Variants in SRGAP1 observed in about 807,000 individuals in gnomAD.
SRGAP1 encodes the protein SLIT-ROBO Rho GTPase-activating protein 1.
SRGAP1 carries 43 observed loss-of-function variants against 121.9 expected under a neutral mutation model. The observed-to-expected ratio is 0.35, with a 90% CI of 0.28 to 0.46. The LOEUF is 0.46. Ranked by LOEUF, SRGAP1 falls within the 20% of genes least tolerant of loss-of-function variation. The pLI is 1.00. For missense variants in SRGAP1, 1,102 were observed against 1,350.9 expected, an observed-to-expected ratio of 0.82 and a Z score of 2.89; for synonymous variants, 447 against 485.4, an observed-to-expected ratio of 0.92 and a Z score of 1.04.
rs139419551 is a variant in SRGAP1, at chr12:64,075,134, G to A, written c.1126-3785G>A. Among the ~76,000 whole-genome samples the A allele has an allele frequency of 1.9e-3, 288 of 152,294 alleles. 1 individual carries two copies. Among genetic ancestry groups the A allele is most frequent in the African/African-American group, 6.5e-3 (270 of 41,556 alleles). Reference sequence around the variant, plus strand: ...GGTCTCACAGCCTTCAGAGCTGAGAGCCCCAAACAGAGATTTACCCACATA... The same window carrying A: ...GGTCTCACAGCCTTCAGAGCTGAGAACCCCAAACAGAGATTTACCCACATA... On this transcript the variant is annotated intron_variant, in intron 8 of 21. Coordinates refer to ENST00000355086, the MANE Select transcript of SRGAP1 (RefSeq NM_020762.4).
At chr12:64,019,941 TCA>T (rs1177417078) in intron 4 of SRGAP1, among the ~76,000 whole-genome samples, 4 of 152,234 alleles carry the variant, frequency 2.6e-5, no homozygotes, top group Non-Finnish European at 5.9e-5. Context: ...TGGCAAATAT[TCA>T]CTCCTCACTT....
chr12:63,925,665 AAAAAG>A (rs2031233766), intron 1 of SRGAP1, among the ~76,000 whole-genome samples: 1 of 152,224 alleles, frequency 6.6e-6, no homozygotes, highest in Admixed American at 6.5e-5. Flanking sequence ...AAAGGAGGAC[AAAAAG>A]AAAAGGAGTA....
At chr12:64,035,411 T>C (rs923160906) in intron 4 of SRGAP1, among the ~76,000 whole-genome samples, 4 of 152,156 alleles carry the variant, frequency 2.6e-5, no homozygotes, top group African/African-American at 4.8e-5. Context: ...TCACCCCTAC[T>C]GGGGAGAGAT....
At chr12:63,981,571 C>T (rs2033247319) in intron 1 of SRGAP1, among the ~76,000 whole-genome samples, 1 of 152,160 alleles carries the variant, frequency 6.6e-6, no homozygotes, top group African/African-American at 2.4e-5. Flanking sequence ...CAAAGTTTGG[C>T]AAACATGCTG....
At chr12:64,035,033 T>C (rs2034869436) in intron 4 of SRGAP1, among the ~76,000 whole-genome samples, 1 of 140,430 alleles carries the variant, frequency 7.1e-6, no homozygotes, top group East Asian at 2.0e-4. Context: ...TCAGCCCTGA[T>C]GCTGGGAACA....
rs11175247 is a variant in SRGAP1, at chr12:64,066,979, G to A, written c.1125+1760G>A. ...ATTATACACAAAGTCAAAACTGGCA[G>A]CTCACAGATCTGTTTTGTTTGGCTC... On this transcript the variant is annotated intron_variant, in intron 8 of 21. Coordinates refer to ENST00000355086, the MANE Select transcript of SRGAP1 (RefSeq NM_020762.4). Among the ~76,000 whole-genome samples, 533 of 151,992 alleles carry A rather than the reference G, an allele frequency of 3.5e-3. 6 individuals carry two copies. Among genetic ancestry groups the A allele is most frequent in the African/African-American group, 0.012 (501 of 41,422 alleles).
intron 6 of SRGAP1, among the ~76,000 whole-genome samples, chr12:64,046,021 C>T (rs1201941138): frequency 6.6e-6 from 1 of 152,040 alleles, no homozygotes; most frequent in Non-Finnish European, 1.5e-5. Context: ...ATGGGGTGTC[C>T]AGGAAAAGCC....
chr12:64,004,249 A>T (rs182705595), intron 3 of SRGAP1, among the ~76,000 whole-genome samples: 39 of 152,360 alleles, frequency 2.6e-4, no homozygotes, highest in African/African-American at 9.1e-4. Context: ...GAAGGCACGC[A>T]GTCCCTCATG....
In SRGAP1 at chr12:64,157,639, T is replaced by C. The variant is rs2037174041; in HGVS notation, c.*14967T>C. On this transcript the variant is annotated 3_prime_UTR_variant, in exon 22 of 22. Coordinates refer to ENST00000355086, the MANE Select transcript of SRGAP1 (RefSeq NM_020762.4). ...TCTGGATAGAAAAAAGAATAAAATG[T>C]CTTTAAAAATTTATATTTCAAGTGT... 1 of 152,136 alleles carries C rather than the reference T, an allele frequency of 6.6e-6. No individual in the cohort carries two copies. The highest frequency in any genetic ancestry group is 1.5e-5 in the Non-Finnish European group (1 of 68,036). The allele number at this position is 152,136 out of a possible 1,614,324, so 9.4% of individuals were successfully genotyped here.
intron 1 of SRGAP1, among the ~76,000 whole-genome samples, chr12:63,972,601 A>G (rs940882719): frequency 3.8e-4 from 58 of 152,336 alleles, no homozygotes; most frequent in Non-Finnish European, 2.8e-4. Context: ...TTGAGTACCT[A>G]CTATGTGTTC....
Position 64,160,739 on chromosome 12 carries a change from C to T in SRGAP1, c.*18067C>T, listed in dbSNP as rs1174731360. ...TGAGGAAGATTTTCTCAGAGTGGCT[C>T]ATTATCTGGAAAGTGTAAGAATGAG... On this transcript the variant is annotated 3_prime_UTR_variant, in exon 22 of 22. Coordinates refer to ENST00000355086, the MANE Select transcript of SRGAP1 (RefSeq NM_020762.4). The T allele has an allele frequency of 6.6e-6, 1 of 152,056 alleles. No individual in the cohort carries two copies. Among genetic ancestry groups the T allele is most frequent in the Non-Finnish European group, 1.5e-5 (1 of 68,016 alleles). 9.4% of individuals were successfully genotyped at this position (152,056 alleles called of 1,614,324 possible). A position where few individuals can be genotyped will look rare whatever the true frequency, so the allele number is the denominator to read the frequency against.
chr12:64,061,702 C>G (rs2035452267), intron 6 of SRGAP1, among the ~76,000 whole-genome samples: 1 of 152,186 alleles, frequency 6.6e-6, no homozygotes, highest in Admixed American at 6.5e-5. Flanking sequence ...CCAACTTCTT[C>G]CCTCTTCTTA....
At chr12:63,968,946 C>G (rs1255923933) in intron 1 of SRGAP1, among the ~76,000 whole-genome samples, 1 of 152,080 alleles carries the variant, frequency 6.6e-6, no homozygotes, top group Non-Finnish European at 1.5e-5. Flanking sequence ...ATGCCGGCAG[C>G]CAAGAGAACA....
Position 64,080,845 on chromosome 12 carries a change from A to G in SRGAP1, c.1408+475A>G, listed in dbSNP as rs561847354. On this transcript the variant is annotated intron_variant, in intron 10 of 21. Coordinates refer to ENST00000355086, the MANE Select transcript of SRGAP1 (RefSeq NM_020762.4). Reference sequence around the variant, plus strand: ...CCAGTTTGGGTGATTTTTTTCTTTCAGCAGGCATTGGCTGTAGTTGAGAAA... The same window carrying G: ...CCAGTTTGGGTGATTTTTTTCTTTCGGCAGGCATTGGCTGTAGTTGAGAAA... 5.8e-5 allele frequency: 12 copies of G among 205,674 alleles called. No homozygotes were observed. In the South Asian group the frequency reaches 7.3e-4, roughly 13 times the overall value. 12.7% of individuals were successfully genotyped at this position (205,674 alleles called of 1,614,324 possible). A position where few individuals can be genotyped will look rare whatever the true frequency, so the allele number is the denominator to read the frequency against.
At chr12:64,136,946 A>T (rs2036865176) in intron 21 of SRGAP1, among the ~76,000 whole-genome samples, 1 of 152,168 alleles carries the variant, frequency 6.6e-6, no homozygotes, top group Admixed American at 6.5e-5. Flanking sequence ...GACTTCTAGA[A>T]TCAGGAAATT....
chr12:63,902,567 T>A (rs1346558635), intron 1 of SRGAP1, among the ~76,000 whole-genome samples: 1 of 152,164 alleles, frequency 6.6e-6, no homozygotes, highest in Non-Finnish European at 1.5e-5. Flanking sequence ...TCAAAAGTCT[T>A]CCCTAAAATG....
At chr12:63,880,900 G>T (rs10878092) in intron 1 of SRGAP1, among the ~76,000 whole-genome samples, 46,038 of 151,972 alleles carry the variant, frequency 0.3, 7,318 homozygotes, top group East Asian at 0.58. Context: ...CGGATGATGT[G>T]TTCCAGGCGT....
chr12:63,879,492 CA>C (rs1900126656), intron 1 of SRGAP1: 1 of 152,100 alleles, frequency 6.6e-6, no homozygotes, highest in African/African-American at 2.4e-5. Context: ...GAAAAACATA[CA>C]AAACACATAC....
At chr12:63,957,291 C>T (rs1293962132) in intron 1 of SRGAP1, among the ~76,000 whole-genome samples, 2 of 152,204 alleles carry the variant, frequency 1.3e-5, no homozygotes, top group Non-Finnish European at 1.5e-5. Flanking sequence ...ATCAGCAGGT[C>T]AGCGCCAGTG....
Sources: allele counts gnomAD v4.1 joint callset (sites outside exome capture counted in the v4.1 genomes callset), GRCh38; gene constraint gnomAD v4.1.1; transcripts MANE v1.5; gene names NCBI Gene and HGNC (gene_info 2026-07-23, HGNC 2026-07-21).